Variants in KMT5B observed in about 807,000 individuals in gnomAD.
KMT5B encodes histone-lysine N-methyltransferase KMT5B.
In KMT5B, 10 loss-of-function variants were observed where a neutral mutation model predicts 83.2. That is an observed-to-expected ratio of 0.12 (90% confidence interval 0.07 to 0.20). The LOEUF (loss-of-function observed/expected upper bound fraction) is 0.20, where lower values mean the gene tolerates loss of function less well. Ranked by LOEUF, KMT5B falls within the 10% of genes least tolerant of loss-of-function variation. The pLI, the probability that KMT5B is intolerant of heterozygous loss-of-function variation, is 1.00. For synonymous variants in KMT5B, 349 were observed against 388.8 expected, an observed-to-expected ratio of 0.90 and a Z score of 1.20; for missense variants, 753 against 1,067.2, an observed-to-expected ratio of 0.71 and a Z score of 4.10.
Position 68,173,879 on chromosome 11 carries a change from C to T in KMT5B, c.578G>A (p.Ser193Asn), listed in dbSNP as rs1396062913. 1 of 1,612,022 alleles carries T rather than the reference C, an allele frequency of 6.2e-7. No homozygotes were observed. The highest frequency in any genetic ancestry group is 1.7e-5 in the Admixed American group (1 of 59,710). The change falls in exon 6 of 11, where the codon AGT becomes AAT. Residue 193 changes from serine (S) to asparagine (N), a missense_variant. Physicochemically the swap from Ser to Asn is conservative, Grantham distance 46. Transcript: ENST00000304363. ...FIYLRMFATD[S>N]GFEILPCNRY... ...ATTACATGGCAATATTTCAAATCCACTGTCAGTTGCAAACATTCGCAAATA... is the reference window on the plus strand; with the variant it reads ...ATTACATGGCAATATTTCAAATCCATTGTCAGTTGCAAACATTCGCAAATA...
intron 9 of KMT5B, 73 bp downstream of exon 9, chr11:68,170,942 A>G: frequency 7.0e-7 from 1 of 1,436,226 alleles, no homozygotes; most frequent in South Asian, 1.4e-5. Context: ...CAAAGAGATA[A>G]TGTGAGTTTA....
At chr11:68,186,054 T>C (rs1857410110) in intron 2 of KMT5B, 126 bp from the exon 3 acceptor site, 2 of 808,668 alleles carry the variant, frequency 2.5e-6, no homozygotes, top group African/African-American at 1.7e-5. Context: ...ATTTTAGTAA[T>C]TAAGAATTTA....
intron 9 of KMT5B, among the ~76,000 whole-genome samples, chr11:68,168,483 G>A (rs902157789): frequency 3.9e-5 from 6 of 151,908 alleles, no homozygotes; most frequent in Non-Finnish European, 7.4e-5. Context: ...TTATAGGCGC[G>A]CACCACCACA....
At position 68,158,631 on chromosome 11, in the gene KMT5B, C is replaced by T. The variant is rs1590915187; in HGVS notation, c.1715G>A (p.Cys572Tyr). The T allele has an allele frequency of 1.2e-6, 2 of 1,614,072 alleles. No homozygotes were observed. Among genetic ancestry groups the T allele is most frequent in the South Asian group, 1.1e-5 (1 of 91,092 alleles). The part of the protein sequence containing the change: ...NGYKSSVTEP[C>Y]PDSGEQLQPA... ...CTGCAGCTGTTCACCACTGTCGGGG[C>T]AAGGTTCCGTCACACTGCTTTTATA... The change falls in exon 11 of 11, where the codon TGC (cysteine) becomes TAC (tyrosine). Residue 572 changes from cysteine to tyrosine, a missense_variant. By Grantham distance (194) the Cys-to-Tyr change is radical (BLOSUM62 -2). Around this residue, in one of 9 missense-constraint regions of KMT5B, gnomAD observed 397 missense variants for 395.9 expected, o/e 1.00. Coordinates refer to ENST00000304363, the MANE Select transcript of KMT5B (RefSeq NM_017635.5).
chr11:68,213,398 G>GTCGCGCCCC (rs1179439258), upstream of KMT5B: 1 of 133,800 alleles, frequency 7.5e-6, no homozygotes, highest in Admixed American at 7.2e-5. Context: ...CGCCGCCGCC[G>GTCGCGCCCC]TCGCGCCCCC....
chr11:68,211,817 C>A (rs1334206920), intron 1 of KMT5B, among the ~76,000 whole-genome samples: 1 of 152,122 alleles, frequency 6.6e-6, no homozygotes, highest in Non-Finnish European at 1.5e-5. Context: ...GGAGAGGGAC[C>A]AGAATGTCGA....
intron 1 of KMT5B, among the ~76,000 whole-genome samples, chr11:68,202,954 G>A (rs756452171): frequency 3.9e-5 from 6 of 151,992 alleles, no homozygotes; most frequent in Non-Finnish European, 8.8e-5. Context: ...AAGTAGAATT[G>A]CCGGGTCATA....
At chr11:68,207,599 T>C (rs547573984) in intron 1 of KMT5B, among the ~76,000 whole-genome samples, 1 of 152,056 alleles carries the variant, frequency 6.6e-6, no homozygotes, top group South Asian at 2.1e-4. Context: ...GAGACCAGCC[T>C]GGCGAACATA....
chr11:68,185,915 CGA>C lies in KMT5B; in HGVS notation c.172_173del (p.Ser58GlyfsTer3). ...CATAGCGACTCTGTCCTTCAAATCC[CGA>C]GTTACCATTACCTGTGAAAAGCAAA... Reference protein sequence around the residue: ...ERRSNRCNGNSGFEGQSRYVP... With the variant: ...ERRSNRCNGNXGFEGQSRYVP... On this transcript the variant is annotated frameshift_variant, in exon 3 of 11. Coordinates refer to ENST00000304363, the MANE Select transcript of KMT5B (RefSeq NM_017635.5). LOFTEE classifies it high-confidence loss of function. 6.3e-7 allele frequency: 1 copy of C among 1,593,932 alleles called. No individual in the cohort carries two copies. Among genetic ancestry groups the C allele is most frequent in the Non-Finnish European group, 8.5e-7 (1 of 1,170,170 alleles).
chr11:68,161,763 GC>G (rs1854889225), intron 10 of KMT5B, among the ~76,000 whole-genome samples: 1 of 151,994 alleles, frequency 6.6e-6, no homozygotes. Flanking sequence ...TCCTTCATCG[GC>G]CCCTTAGACT....
At chr11:68,192,950 T>A in intron 1 of KMT5B, among the ~76,000 whole-genome samples, 1 of 152,228 alleles carries the variant, frequency 6.6e-6, no homozygotes, top group Non-Finnish European at 1.5e-5. Context: ...GGGAACCGAT[T>A]GATCTGAATA....
At chr11:68,187,231 C>G (rs1410852950) in intron 2 of KMT5B, among the ~76,000 whole-genome samples, 1 of 152,146 alleles carries the variant, frequency 6.6e-6, no homozygotes, top group African/African-American at 2.4e-5. Flanking sequence ...CTCCTGAGCT[C>G]AAGCCATCCT....
intron 1 of KMT5B, among the ~76,000 whole-genome samples, chr11:68,190,976 G>A (rs897988040): frequency 6.6e-6 from 1 of 152,118 alleles, no homozygotes; most frequent in Non-Finnish European, 1.5e-5. Flanking sequence ...AAAAAGAAAA[G>A]AAAATAATAA....
At chr11:68,196,857 A>G (rs1858782689) in intron 1 of KMT5B, among the ~76,000 whole-genome samples, 1 of 152,230 alleles carries the variant, frequency 6.6e-6, no homozygotes, top group Non-Finnish European at 1.5e-5. Context: ...TCATGGAACA[A>G]TGTACTTTTA....
chr11:68,186,018 G>T, intron 2 of KMT5B, 90 bp from the exon 3 acceptor site: 1 of 1,150,552 alleles, frequency 8.7e-7, no homozygotes, highest in Non-Finnish European at 1.2e-6. Flanking sequence ...CATTCAAGCT[G>T]GTAATAAAGA....
chr11:68,192,563 A>G (rs569682659), intron 1 of KMT5B, among the ~76,000 whole-genome samples: 3 of 152,300 alleles, frequency 2.0e-5, no homozygotes, highest in South Asian at 4.1e-4. Context: ...CTCAAACTAC[A>G]TGTTTTGGTA....
intron 2 of KMT5B, among the ~76,000 whole-genome samples, chr11:68,188,514 T>C (rs1393849406): frequency 2.6e-5 from 4 of 152,020 alleles, no homozygotes; most frequent in Non-Finnish European, 4.4e-5. Context: ...GATTGGCTAA[T>C]TTTTTTGTAG....
At chr11:68,192,794 T>G (rs1019364688) in intron 1 of KMT5B, among the ~76,000 whole-genome samples, 7 of 152,224 alleles carry the variant, frequency 4.6e-5, no homozygotes, top group African/African-American at 1.7e-4. Flanking sequence ...TTCAATTCAC[T>G]GTTCTAGATA....
chr11:68,163,330 C>T (rs1042478745), intron 10 of KMT5B, among the ~76,000 whole-genome samples: 2 of 152,214 alleles, frequency 1.3e-5, no homozygotes. Flanking sequence ...ACTAGCATGC[C>T]TAAGGTCATC....
Sources: allele counts gnomAD v4.1 joint callset (sites outside exome capture counted in the v4.1 genomes callset), GRCh38; gene constraint gnomAD v4.1.1; regional missense constraint gnomAD v4.1.1; transcripts MANE v1.5; gene names NCBI Gene and HGNC (gene_info 2026-07-23, HGNC 2026-07-21).